Variants in FAIM2 observed in about 807,000 individuals in gnomAD.
FAIM2 encodes the protein protein lifeguard 2.
FAIM2 carries 27 observed loss-of-function variants against 47.4 expected under a neutral mutation model. The ratio of observed to expected loss-of-function variants is 0.57; its 90% CI spans 0.42 to 0.78. The LOEUF is 0.78. Among genes scored for constraint, FAIM2 ranks in the 30% least tolerant of loss-of-function variants. FAIM2 has a pLI of 0.00. For synonymous variants in FAIM2, 156 were observed against 159.3 expected, an observed-to-expected ratio of 0.98 and a Z score of 0.16; for missense variants, 311 against 389.4, an observed-to-expected ratio of 0.80 and a Z score of 1.69.
intron 2 of FAIM2, 107 bp downstream of exon 2, chr12:49,901,022 CA>C: frequency 7.1e-6 from 6 of 841,898 alleles, no homozygotes; most frequent in Non-Finnish European, 1.0e-5. Context: ...CAGCTTCATA[CA>C]ACCACACAGT....
chr12:49,898,239 G>T, intron 2 of FAIM2, 149 bp from the exon 3 acceptor site: 1 of 315,918 alleles, frequency 3.2e-6, no homozygotes, highest in Non-Finnish European at 5.9e-6. Flanking sequence ...CAAACACCCA[G>T]CCCGGCTCCA....
At position 49,889,143 on chromosome 12, in the gene FAIM2, G is replaced by A. The variant is rs753548300; in HGVS notation, c.711C>T (p.Ser237=). The A allele has an allele frequency of 1.9e-5, 31 of 1,611,812 alleles. No individual in the cohort carries two copies. Among genetic ancestry groups the A allele is most frequent in the Admixed American group, 5.0e-5 (3 of 59,768 alleles). The change falls in exon 10 of 12, where the codon AGC becomes AGT. Residue 237 remains serine (S), a synonymous_variant. Transcript: ENST00000320634. ...GTAGGAGGATGGCCAGGATGAGTCC[G>A]CTGAAGAAAAGAGTCATGAGAAGCA... The part of the protein sequence containing the change: ...LFVLLMTLFF[S]GLILAILLPF...
At chr12:49,877,044 C>T (rs1946741475) in intron 11 of FAIM2, among the ~76,000 whole-genome samples, 1 of 152,230 alleles carries the variant, frequency 6.6e-6, no homozygotes, top group African/African-American at 2.4e-5. Context: ...CACTCCACAA[C>T]CCTACTGGCC....
At chr12:49,903,696 T>C in intron 1 of FAIM2, 82 bp downstream of exon 1, 1 of 1,520,002 alleles carries the variant, frequency 6.6e-7, no homozygotes, top group Non-Finnish European at 8.9e-7. Context: ...GATGCTTTCG[T>C]GGTCCAGAGG....
At chr12:49,879,419 T>C (rs1342566462) in intron 11 of FAIM2, among the ~76,000 whole-genome samples, 1 of 147,996 alleles carries the variant, frequency 6.8e-6, no homozygotes, top group Non-Finnish European at 1.5e-5. Context: ...TGCATGTGAG[T>C]GTATGTGTGT....
At chr12:49,890,599 C>A in intron 7 of FAIM2, 84 bp downstream of exon 7, 3 of 1,342,894 alleles carry the variant, frequency 2.2e-6, no homozygotes, top group South Asian at 2.3e-5. Context: ...CCAGCCCAGT[C>A]TTCCTGGTCC....
In FAIM2 at chr12:49,901,172, T is replaced by C. The variant is rs556323298; in HGVS notation, c.169A>G (p.Thr57Ala). 156 of 1,606,770 alleles carry C rather than the reference T, an allele frequency of 9.7e-5. 5 individuals are homozygous for C. The South Asian group carries it at 1.5e-3, about 16-fold the overall frequency. Reference protein sequence around the residue: ...MKAGAFPPAPTAVPLHPSWAY... With the variant: ...MKAGAFPPAPAAVPLHPSWAY... Reference sequence around the variant, plus strand: ...CAGCTAGGGTGGAGAGGCACCGCTGTGGGGGCTGGGGGGAAGGCCCCTGCC... The same window carrying C: ...CAGCTAGGGTGGAGAGGCACCGCTGCGGGGGCTGGGGGGAAGGCCCCTGCC... The change falls in exon 2 of 12, where the codon ACA (threonine) becomes GCA (alanine). Residue 57 changes from threonine (T) to alanine (A), a missense_variant. Thr to Ala is a moderately conservative substitution (Grantham distance 58). Coordinates refer to ENST00000320634, the MANE Select transcript of FAIM2 (RefSeq NM_012306.4).
intron 11 of FAIM2, among the ~76,000 whole-genome samples, chr12:49,876,589 C>T (rs1946738155): frequency 6.8e-6 from 1 of 147,098 alleles, no homozygotes; most frequent in Admixed American, 7.0e-5. Flanking sequence ...TGGGGAAACC[C>T]CGTCTCTACT....
chr12:49,886,003 C>T (rs1442316998), intron 11 of FAIM2, among the ~76,000 whole-genome samples: 1 of 152,176 alleles, frequency 6.6e-6, no homozygotes, highest in East Asian at 1.9e-4. Context: ...CTCCCCATCC[C>T]TTCCCCCATT....
At chr12:49,882,636 T>C (rs529605799) in intron 11 of FAIM2, among the ~76,000 whole-genome samples, 6 of 152,096 alleles carry the variant, frequency 3.9e-5, no homozygotes, top group Non-Finnish European at 8.8e-5. Flanking sequence ...GCACTGCAGT[T>C]CCCCCTCCCC....
chr12:49,896,394 G>A (rs1946937716), intron 5 of FAIM2, among the ~76,000 whole-genome samples: 1 of 152,182 alleles, frequency 6.6e-6, no homozygotes, highest in Admixed American at 6.5e-5. Context: ...GTGGCTCGAG[G>A]GCTGCAGGGA....
intron 3 of FAIM2, 137 bp downstream of exon 3, chr12:49,897,850 C>T (rs924397802): frequency 7.1e-6 from 5 of 699,836 alleles, no homozygotes; most frequent in African/African-American, 1.8e-5. Context: ...GAAGCAATTC[C>T]TAGTGGGTGC....
chr12:49,889,989 T>C, intron 8 of FAIM2, 128 bp downstream of exon 8: 2 of 897,940 alleles, frequency 2.2e-6, no homozygotes, highest in Non-Finnish European at 3.6e-6. Flanking sequence ...CAAAGCCTCC[T>C]GCATGCCTGA....
At chr12:49,891,923 G>A (rs373845453) in intron 5 of FAIM2, among the ~76,000 whole-genome samples, 3 of 152,094 alleles carry the variant, frequency 2.0e-5, no homozygotes, top group South Asian at 2.1e-4. Context: ...ATGATGGCTG[G>A]GGACCCAAGG....
intron 11 of FAIM2, among the ~76,000 whole-genome samples, chr12:49,875,119 A>C (rs1267497178): frequency 6.6e-6 from 1 of 152,208 alleles, no homozygotes; most frequent in Non-Finnish European, 1.5e-5. Context: ...AGATTTTCCA[A>C]AAGTGAAATA....
In FAIM2 at chr12:49,897,019, A is replaced by G; in HGVS notation, c.434+12T>C. The G allele has an allele frequency of 1.2e-6, 2 of 1,607,676 alleles. No individual in the cohort carries two copies. The highest frequency in any genetic ancestry group is 1.7e-6 in the Non-Finnish European group (2 of 1,174,116). On this transcript the variant is annotated intron_variant, in intron 5 of 11. Coordinates refer to ENST00000320634, the MANE Select transcript of FAIM2 (RefSeq NM_012306.4). ...TTCTCTGGAAGGGGACTGGGGACTG[A>G]GATATACTCACTAGGATGCCCAGTA...
At chr12:49,871,429 G>A (rs1946701900) in intron 11 of FAIM2, among the ~76,000 whole-genome samples, 2 of 152,012 alleles carry the variant, frequency 1.3e-5, no homozygotes, top group Non-Finnish European at 1.5e-5. Flanking sequence ...CTGAGACAGC[G>A]CTGTGTCACC....
In FAIM2 at chr12:49,867,385, G is replaced by A. The variant is rs1378262878; in HGVS notation, c.*3119C>T. 1 of 152,320 alleles carries A rather than the reference G, an allele frequency of 6.6e-6. No homozygotes were observed. The highest frequency in any genetic ancestry group is 1.5e-5 in the Non-Finnish European group (1 of 68,122). The allele number at this position is 152,320 out of a possible 1,614,324, so 9.4% of individuals were successfully genotyped here. ...CTTGGCTTCAGGTGGGCCAGGGAAG[G>A]AGGCAAGGAGCCTTTTGGAAAATGG... On this transcript the variant is annotated 3_prime_UTR_variant, in exon 12 of 12. Transcript: ENST00000320634.
intron 2 of FAIM2, among the ~76,000 whole-genome samples, chr12:49,898,346 G>T (rs1387099637): frequency 1.3e-5 from 2 of 152,184 alleles, no homozygotes; most frequent in African/African-American, 2.4e-5. Flanking sequence ...CTCCACCCCG[G>T]CTGGGGCTCC....
Sources: gnomAD v4.1 joint callset for allele counts (sites outside exome capture counted in the v4.1 genomes callset) on GRCh38, gnomAD v4.1.1 for gene constraint, MANE v1.5 for transcripts, NCBI Gene and HGNC (gene_info 2026-07-23, HGNC 2026-07-21) for gene names.